Variants in CSMD3 observed in about 807,000 individuals in gnomAD.
CSMD3 encodes the protein CUB and sushi domain-containing protein 3.
Under a neutral mutation model 435.2 loss-of-function variants are expected in CSMD3, and 177 were observed. The ratio of observed to expected loss-of-function variants is 0.41; its 90% CI spans 0.36 to 0.46. CSMD3 has a LOEUF of 0.46. CSMD3 is among the 20% of genes least tolerant of loss of function. The pLI is 0.34. For synonymous variants in CSMD3, 1,656 were observed against 1,520.5 expected, an observed-to-expected ratio of 1.09 and a Z score of -2.07; for missense variants, 4,265 against 4,504.6, an observed-to-expected ratio of 0.95 and a Z score of 1.52.
rs562169211 is a variant in CSMD3 at position 112,797,980 on chromosome 8, T to G, written c.1972+2182A>C. Among the ~76,000 whole-genome samples the G allele has an allele frequency of 1.1e-4, 17 of 152,028 alleles. No individual in the cohort carries two copies. The South Asian group carries it at 3.1e-3, about 28-fold the overall frequency. ...ACAAATAATTATTAGCTACCTATAA[T>G]GATGGCATGGATATTGCTAGCAGAA... is the stretch of plus-strand genomic sequence containing the variant. On this transcript the variant is annotated intron_variant, in intron 13 of 70. Transcript: ENST00000297405.
chr8:113,211,937 T>G (rs2092840184), intron 3 of CSMD3, among the ~76,000 whole-genome samples: 1 of 152,170 alleles, frequency 6.6e-6, no homozygotes, highest in Non-Finnish European at 1.5e-5. Context: ...AAAAGAAGAT[T>G]TAAATGTTGT....
intron 16 of CSMD3, among the ~76,000 whole-genome samples, chr8:112,667,988 A>G (rs1173431556): frequency 6.6e-6 from 1 of 152,162 alleles, no homozygotes; most frequent in African/African-American, 2.4e-5. Context: ...ACCCAAATGA[A>G]ATAGCAAATA....
intron 67 of CSMD3, among the ~76,000 whole-genome samples, chr8:112,236,510 T>G (rs946495859): frequency 2.0e-5 from 3 of 152,084 alleles, no homozygotes; most frequent in African/African-American, 4.8e-5. Context: ...TTTCAAATAT[T>G]GTAAAGAAAA....
At chr8:112,270,343 AGTGTGTGTGTGTGT>A (rs10577337) in intron 59 of CSMD3, among the ~76,000 whole-genome samples, 3,456 of 124,284 alleles carry the variant, frequency 0.028, 130 homozygotes, top group African/African-American at 0.085. Context: ...CAGAGGGGTG[AGTGTGTGTGTGTGT>A]GTGTGTGTGT....
At chr8:112,877,099 A>G (rs532467420) in intron 10 of CSMD3, among the ~76,000 whole-genome samples, 16 of 152,148 alleles carry the variant, frequency 1.1e-4, no homozygotes, top group Non-Finnish European at 2.2e-4. Flanking sequence ...CTGCTCAAGG[A>G]AATAAGAGAA....
intron 4 of CSMD3, among the ~76,000 whole-genome samples, chr8:113,121,317 TTG>T (rs1307044690): frequency 6.6e-6 from 1 of 152,076 alleles, no homozygotes; most frequent in Non-Finnish European, 1.5e-5. Context: ...TCTTCTTCTC[TTG>T]TCTTTCAGGG....
chr8:112,722,096 T>C (rs1055302459), intron 13 of CSMD3, among the ~76,000 whole-genome samples: 1 of 151,724 alleles, frequency 6.6e-6, no homozygotes, highest in Non-Finnish European at 1.5e-5. Flanking sequence ...GGAATTATAT[T>C]AAATAGCTCA....
chr8:112,347,107 C>G (rs1046635203), intron 40 of CSMD3, among the ~76,000 whole-genome samples: 2 of 152,018 alleles, frequency 1.3e-5, no homozygotes, highest in Non-Finnish European at 2.9e-5. Context: ...AAGATGCACA[C>G]AAATTTGAGA....
At chr8:112,524,563 G>C (rs543047144) in intron 27 of CSMD3, among the ~76,000 whole-genome samples, 4 of 151,958 alleles carry the variant, frequency 2.6e-5, no homozygotes, top group Non-Finnish European at 5.9e-5. Flanking sequence ...CACAGGCTAA[G>C]AGGAATAGTA....
intron 3 of CSMD3, among the ~76,000 whole-genome samples, chr8:113,237,200 T>C (rs955467127): frequency 6.6e-6 from 1 of 152,138 alleles, no homozygotes; most frequent in Non-Finnish European, 1.5e-5. Context: ...GATGCCTAAA[T>C]GAAAATGTGC....
At chr8:113,224,767 C>T (rs985819194) in intron 3 of CSMD3, among the ~76,000 whole-genome samples, 6 of 150,828 alleles carry the variant, frequency 4.0e-5, no homozygotes, top group African/African-American at 1.2e-4. Flanking sequence ...GTGTCTTGTA[C>T]AATGATTAAA....
chr8:112,888,809 A>C (rs1338819474), intron 10 of CSMD3, among the ~76,000 whole-genome samples: 1 of 151,624 alleles, frequency 6.6e-6, no homozygotes, highest in Non-Finnish European at 1.5e-5. Flanking sequence ...TCCATAGGGC[A>C]GGAAGCAAGA....
intron 2 of CSMD3, among the ~76,000 whole-genome samples, chr8:113,301,567 T>C (rs1397040595): frequency 1.3e-5 from 2 of 151,956 alleles, no homozygotes; most frequent in African/African-American, 4.8e-5. Flanking sequence ...GCAGTGGCTG[T>C]GGCAAGGGTC....
At chr8:113,188,079 C>G (rs1468113688) in intron 3 of CSMD3, among the ~76,000 whole-genome samples, 2 of 151,994 alleles carry the variant, frequency 1.3e-5, no homozygotes, top group African/African-American at 4.8e-5. Context: ...CCTTTCCAAA[C>G]TCTTCAGTCC....
intron 35 of CSMD3, among the ~76,000 whole-genome samples, chr8:112,398,743 G>C (rs6986274): frequency 0.2 from 31,071 of 152,044 alleles, 3,893 homozygotes; most frequent in East Asian, 0.44. Flanking sequence ...TGGATGGGTA[G>C]CCTGGATGAT....
intron 32 of CSMD3, among the ~76,000 whole-genome samples, chr8:112,441,839 T>G (rs532762844): frequency 6.6e-6 from 1 of 152,290 alleles, no homozygotes; most frequent in South Asian, 2.1e-4. Context: ...TTACTTCCCA[T>G]GATGTCCCTC....
At position 113,268,678 on chromosome 8, in the gene CSMD3, C is replaced by A. The variant is rs893432070; in HGVS notation, c.514+9914G>T. 2.6e-5 allele frequency among the ~76,000 whole-genome samples: 4 copies of A among 151,966 alleles called. No individual in the cohort carries two copies. The East Asian group carries it at 7.7e-4, about 29-fold the overall frequency. ...TTTAAAGTAAATGGGCTAAAGAAGG[C>A]TAAAATACACTTTGAAAATGGAGAA... On this transcript the variant is annotated intron_variant, in intron 3 of 70. Transcript: ENST00000297405.
chr8:112,630,477 T>C (rs559782214), intron 22 of CSMD3, among the ~76,000 whole-genome samples: 18 of 152,208 alleles, frequency 1.2e-4, no homozygotes, highest in Non-Finnish European at 2.4e-4. Context: ...ATGGTTTGTA[T>C]AAAGGGTATG....
intron 2 of CSMD3, among the ~76,000 whole-genome samples, chr8:113,280,024 T>C (rs1033230256): frequency 6.6e-6 from 1 of 151,936 alleles, no homozygotes; most frequent in South Asian, 2.1e-4. Context: ...ACCCACTTGA[T>C]CATGGTGGGT....
Sources: allele counts gnomAD v4.1 joint callset (sites outside exome capture counted in the v4.1 genomes callset), GRCh38; gene constraint gnomAD v4.1.1; transcripts MANE v1.5; gene names NCBI Gene and HGNC (gene_info 2026-07-23, HGNC 2026-07-21).